RAD51B: variants seen among roughly 807,000 people sequenced by gnomAD.
The protein encoded by RAD51B is DNA repair protein RAD51 homolog 2.
Under a neutral mutation model 42.2 loss-of-function variants are expected in RAD51B, and 38 were observed. The observed-to-expected ratio is 0.90, with a 90% confidence interval of 0.70 to 1.18. The LOEUF is 1.18. RAD51B is among the 50% of genes most tolerant of loss of function. The pLI is 0.00. For missense variants in RAD51B, 373 were observed against 400.7 expected (o/e 0.93, Z 0.59); for synonymous variants, 154 against 145.2 (o/e 1.06, Z -0.43).
chr14:68,557,035 C>A (rs1022790072), intron 10 of RAD51B, among the ~76,000 whole-genome samples: 1 of 152,178 alleles, frequency 6.6e-6, no homozygotes, highest in African/African-American at 2.4e-5. Flanking sequence ...TCAGAGCCTT[C>A]ACCTCTTCCA....
intron 7 of RAD51B, among the ~76,000 whole-genome samples, chr14:68,282,487 A>G (rs1003608198): frequency 3.9e-5 from 6 of 152,164 alleles, no homozygotes; most frequent in African/African-American, 1.2e-4. Context: ...GTTTAATTGT[A>G]GGTTATTATT....
intron 7 of RAD51B, among the ~76,000 whole-genome samples, chr14:68,179,202 C>G (rs2079013995): frequency 6.6e-6 from 1 of 152,140 alleles, no homozygotes; most frequent in Admixed American, 6.6e-5. Context: ...GAGTGGTTTC[C>G]TTGCTGCGCT....
At chr14:68,318,870 GA>G (rs1334107831) in intron 8 of RAD51B, among the ~76,000 whole-genome samples, 11 of 152,294 alleles carry the variant, frequency 7.2e-5, no homozygotes, top group African/African-American at 2.4e-4. Flanking sequence ...ATTTTTGGAA[GA>G]ACATAACTTA....
rs1483952338 is a variant in RAD51B, at chr14:68,388,094, A to ATATT, written c.854-23329_854-23328insATTT. Among the ~76,000 whole-genome samples the ATATT allele has an allele frequency of 8.6e-3, 1,020 of 118,764 alleles. 12 individuals carry two copies. Among genetic ancestry groups the ATATT allele is most frequent in the African/African-American group, 0.016 (479 of 29,346 alleles). The allele number at this position is 118,764 out of a possible 152,430, so 77.9% of individuals were successfully genotyped here. A position where few individuals can be genotyped will look rare whatever the true frequency, so the allele number is the denominator to read the frequency against. ...TGTGTGTGTGTATATATATATATAT[A>ATATT]TTTTTTTTTTTTTTTAATTGAGGCA... is the stretch of plus-strand genomic sequence containing the variant. On this transcript the variant is annotated intron_variant, in intron 8 of 10. Transcript: ENST00000471583.
chr14:68,390,649 C>A (rs1231152466), intron 8 of RAD51B, among the ~76,000 whole-genome samples: 1 of 152,168 alleles, frequency 6.6e-6, no homozygotes. Flanking sequence ...TGGAGCAAAT[C>A]TATGCAGAGA....
intron 5 of RAD51B, among the ~76,000 whole-genome samples, chr14:67,865,892 A>C (rs1475345728): frequency 6.6e-6 from 1 of 152,196 alleles, no homozygotes; most frequent in Admixed American, 6.5e-5. Flanking sequence ...GGAATGATAG[A>C]ATATCACCAA....
At chr14:68,582,757 C>T (rs1047199299) in intron 10 of RAD51B, among the ~76,000 whole-genome samples, 10 of 152,270 alleles carry the variant, frequency 6.6e-5, no homozygotes, top group Middle Eastern at 3.4e-3. Context: ...TCAACCCAAA[C>T]GCCCATCAAT....
At chr14:68,600,372 C>T (rs531188672), downstream of RAD51B, among the ~76,000 whole-genome samples, 56 of 152,264 alleles carry the variant, frequency 3.7e-4, no homozygotes, top group Middle Eastern at 3.4e-3. Context: ...GCTGGTGGCC[C>T]CTTGAGTTTC....
At chr14:68,264,280 C>T (rs1277538625) in intron 7 of RAD51B, among the ~76,000 whole-genome samples, 2 of 152,184 alleles carry the variant, frequency 1.3e-5, no homozygotes, top group South Asian at 4.1e-4. Flanking sequence ...TGGGACTACT[C>T]TAAAGGAAAT....
At chr14:68,210,601 C>T in intron 7 of RAD51B, among the ~76,000 whole-genome samples, 1 of 152,072 alleles carries the variant, frequency 6.6e-6, no homozygotes, top group Non-Finnish European at 1.5e-5. Flanking sequence ...CTAGTAGTAA[C>T]TGCCACTGCT....
chr14:68,194,141 A>G (rs943816267), intron 7 of RAD51B, among the ~76,000 whole-genome samples: 3 of 152,238 alleles, frequency 2.0e-5, no homozygotes, highest in African/African-American at 7.2e-5. Flanking sequence ...CATAGTTGCA[A>G]GTATAACTTA....
At chr14:68,016,587 A>G (rs2075781436) in intron 7 of RAD51B, among the ~76,000 whole-genome samples, 1 of 152,210 alleles carries the variant, frequency 6.6e-6, no homozygotes, top group Admixed American at 6.5e-5. Context: ...GCTGTGTTTA[A>G]CAACTGGCTT....
intron 7 of RAD51B, among the ~76,000 whole-genome samples, chr14:68,124,653 G>A (rs2077717922): frequency 6.6e-6 from 1 of 152,116 alleles, no homozygotes; most frequent in Non-Finnish European, 1.5e-5. Context: ...GATATATACA[G>A]TTGAAAGGAA....
At chr14:68,655,497 G>A (rs544319776) in intron 11 of RAD51B, among the ~76,000 whole-genome samples, 16 of 152,314 alleles carry the variant, frequency 1.1e-4, no homozygotes, top group Non-Finnish European at 2.1e-4. Flanking sequence ...TCTGAGGACG[G>A]CGGATGAATT....
intron 7 of RAD51B, among the ~76,000 whole-genome samples, chr14:67,913,552 G>A (rs1172175674): frequency 1.3e-5 from 2 of 152,108 alleles, no homozygotes; most frequent in Non-Finnish European, 1.5e-5. Flanking sequence ...TTAAGACAGT[G>A]GTACCAAATT....
chr14:67,875,682 G>A (rs575549608), intron 5 of RAD51B, among the ~76,000 whole-genome samples: 10 of 152,064 alleles, frequency 6.6e-5, no homozygotes, highest in Non-Finnish European at 1.5e-4. Flanking sequence ...TATGATGTTC[G>A]CACAATAGTG....
chr14:68,080,585 G>T (rs1258600597), intron 7 of RAD51B, among the ~76,000 whole-genome samples: 3 of 152,142 alleles, frequency 2.0e-5, no homozygotes, highest in Non-Finnish European at 2.9e-5. Flanking sequence ...TTTTCTGAAA[G>T]CCTCACTTTG....
intron 11 of RAD51B, among the ~76,000 whole-genome samples, chr14:68,678,860 T>C (rs1056728204): frequency 1.1e-4 from 17 of 152,094 alleles, no homozygotes; most frequent in African/African-American, 4.1e-4. Context: ...TATCAGTGAG[T>C]GAAGGAGCCC....
At chr14:68,377,381 C>T (rs1007937773) in intron 8 of RAD51B, among the ~76,000 whole-genome samples, 1 of 152,168 alleles carries the variant, frequency 6.6e-6, no homozygotes, top group Non-Finnish European at 1.5e-5. Context: ...AGTTCCTCTC[C>T]AGTTTTTAGC....
Sources: gnomAD v4.1 joint callset for allele counts (sites outside exome capture counted in the v4.1 genomes callset) on GRCh38, gnomAD v4.1.1 for gene constraint, MANE v1.5 for transcripts, NCBI Gene and HGNC (gene_info 2026-07-23, HGNC 2026-07-21) for gene names.